The following AGBL1 variants were observed in gnomAD, a reference collection of about 807,000 sequenced individuals.
AGBL1 encodes AGBL carboxypeptidase 1.
Under a neutral mutation model 118.9 loss-of-function variants are expected in AGBL1, and 130 were observed. The observed-to-expected ratio is 1.09, with a 90% CI of 0.95 to 1.26. The LOEUF is 1.26. AGBL1 is among the 50% of genes most tolerant of loss of function. AGBL1 has a pLI of 0.00. For synonymous variants in AGBL1, 555 were observed against 478.9 expected (o/e 1.16, Z -2.08); for missense variants, 1,584 against 1,298.1 (o/e 1.22, Z -3.38).
At chr15:86,389,699 A>G (rs1475011182) in intron 17 of AGBL1, among the ~76,000 whole-genome samples, 2 of 152,184 alleles carry the variant, frequency 1.3e-5, no homozygotes, top group African/African-American at 4.8e-5. Context: ...AAAATATAGT[A>G]GATTATATTA....
At chr15:86,392,600 A>T (rs559560740) in intron 17 of AGBL1, among the ~76,000 whole-genome samples, 25 of 152,330 alleles carry the variant, frequency 1.6e-4, no homozygotes, top group African/African-American at 5.5e-4. Flanking sequence ...ATGGATGTTT[A>T]TATAGTTGGG....
At chr15:86,770,484 CA>C (rs1267500585) in intron 22 of AGBL1, among the ~76,000 whole-genome samples, 1 of 151,854 alleles carries the variant, frequency 6.6e-6, no homozygotes, top group Non-Finnish European at 1.5e-5. Flanking sequence ...TTATTTGGTC[CA>C]AAATGTCAGT....
intron 21 of AGBL1, among the ~76,000 whole-genome samples, chr15:86,609,911 T>C (rs1042385006): frequency 3.9e-5 from 6 of 152,158 alleles, no homozygotes; most frequent in Non-Finnish European, 7.4e-5. Flanking sequence ...CTATCTCAAA[T>C]TTTTATCTTA....
intron 24 of AGBL1, among the ~76,000 whole-genome samples, chr15:87,003,944 G>T (rs574669541): frequency 6.6e-6 from 1 of 152,000 alleles, no homozygotes; most frequent in Non-Finnish European, 1.5e-5. Flanking sequence ...TTTTTGAAGG[G>T]TTTTTTGTGT....
chr15:86,569,694 A>C (rs148454354), intron 21 of AGBL1, among the ~76,000 whole-genome samples: 1 of 152,362 alleles, frequency 6.6e-6, no homozygotes, highest in African/African-American at 2.4e-5. Flanking sequence ...TCATGATAGA[A>C]TATTAAAAGG....
chr15:86,956,849 G>T (rs990443411), intron 23 of AGBL1, among the ~76,000 whole-genome samples: 2 of 152,106 alleles, frequency 1.3e-5, no homozygotes, highest in Admixed American at 1.3e-4. Flanking sequence ...AGTGAAATAA[G>T]AAATTGAATG....
chr15:86,396,348 C>T (rs865881040), intron 17 of AGBL1, among the ~76,000 whole-genome samples: 1 of 151,654 alleles, frequency 6.6e-6, no homozygotes, highest in South Asian at 2.1e-4. Context: ...CACTATGATA[C>T]TCCAGCTATC....
intron 17 of AGBL1, among the ~76,000 whole-genome samples, chr15:86,304,501 C>T (rs2079806868): frequency 6.6e-6 from 1 of 152,190 alleles, no homozygotes; most frequent in Admixed American, 6.5e-5. Flanking sequence ...CATGAAAGCA[C>T]AGACTATATG....
chr15:86,187,274 G>C (rs1044710208), intron 5 of AGBL1, among the ~76,000 whole-genome samples: 1 of 152,174 alleles, frequency 6.6e-6, no homozygotes, highest in Non-Finnish European at 1.5e-5. Context: ...GAAGATCCCT[G>C]CTTCCTTTTT....
intron 21 of AGBL1, among the ~76,000 whole-genome samples, chr15:86,600,301 G>A (rs1258654184): frequency 6.6e-6 from 1 of 152,118 alleles, no homozygotes; most frequent in South Asian, 2.1e-4. Flanking sequence ...TCAAATATTA[G>A]ACTTGAGTTT....
rs116289827 is a variant in AGBL1, at chr15:86,441,122, G to T, written c.2555+43576G>T. On this transcript the variant is annotated intron_variant, in intron 18 of 22. Transcript: ENST00000614907. The stretch of plus-strand genomic sequence containing the variant: ...ATTTTCTCAAATCTGGTAGGTGAAG[G>T]CTTGCTGGCAAGAGCTGTATTATAA... 7.8e-3 allele frequency among the ~76,000 whole-genome samples: 1,182 copies of T among 152,250 alleles called. 12 individuals are homozygous for T. Among genetic ancestry groups the T allele is most frequent in the African/African-American group, 0.027 (1,121 of 41,540 alleles).
chr15:86,601,384 C>T (rs2084490394), intron 21 of AGBL1, among the ~76,000 whole-genome samples: 1 of 151,904 alleles, frequency 6.6e-6, no homozygotes, highest in African/African-American at 2.4e-5. Flanking sequence ...ACTAATAATA[C>T]AATTATTTTG....
chr15:86,795,550 C>T (rs1296054576), intron 22 of AGBL1, among the ~76,000 whole-genome samples: 1 of 151,150 alleles, frequency 6.6e-6, no homozygotes, highest in Admixed American at 6.6e-5. Context: ...AGCCCCTCAG[C>T]ACAGGCATTT....
At chr15:86,225,784 A>G (rs556244588) in intron 6 of AGBL1, among the ~76,000 whole-genome samples, 3 of 152,140 alleles carry the variant, frequency 2.0e-5, no homozygotes, top group Non-Finnish European at 1.5e-5. Flanking sequence ...GCCTGTGGGT[A>G]ATAGGTGAAC....
chr15:86,289,509 G>T (rs2079511000), intron 16 of AGBL1, among the ~76,000 whole-genome samples: 1 of 152,148 alleles, frequency 6.6e-6, no homozygotes, highest in African/African-American at 2.4e-5. Flanking sequence ...GCATGAGATA[G>T]GTAATGATGT....
chr15:86,807,971 C>T (rs959904618), intron 22 of AGBL1, among the ~76,000 whole-genome samples: 1 of 152,056 alleles, frequency 6.6e-6, no homozygotes, highest in Non-Finnish European at 1.5e-5. Flanking sequence ...CATGGGCAAG[C>T]TGTGGAACAT....
chr15:86,316,352 C>T (rs1210555522), intron 17 of AGBL1, among the ~76,000 whole-genome samples: 7 of 152,128 alleles, frequency 4.6e-5, no homozygotes, highest in Non-Finnish European at 1.0e-4. Flanking sequence ...TTGTATTCCT[C>T]CTCTTTCTCT....
chr15:86,657,951 A>T lies in AGBL1; in HGVS notation c.2995-16322A>T, dbSNP rs185490827. On this transcript the variant is annotated intron_variant, in intron 21 of 22. Coordinates refer to ENST00000614907, the MANE Select transcript of AGBL1 (RefSeq NM_001386094.1). ...TGCTTATTGAGAATACAGAGATAAG[A>T]TGCTCAACTTCTCTCAAACTCATCA... Among the ~76,000 whole-genome samples the T allele has an allele frequency of 2.9e-4, 44 of 152,092 alleles. No individual in the cohort carries two copies. In the East Asian group the frequency reaches 7.5e-3, roughly 26 times the overall value.
At chr15:86,441,615 A>G (rs1229957961) in intron 18 of AGBL1, among the ~76,000 whole-genome samples, 1 of 152,222 alleles carries the variant, frequency 6.6e-6, no homozygotes, top group African/African-American at 2.4e-5. Context: ...AAAAGGACTA[A>G]ATGACTAAAT....
Sources: allele counts gnomAD v4.1 joint callset (sites outside exome capture counted in the v4.1 genomes callset), GRCh38; gene constraint gnomAD v4.1.1; transcripts MANE v1.5; gene names NCBI Gene and HGNC (gene_info 2026-07-23, HGNC 2026-07-21).